Variants in RNF17 observed in about 807,000 individuals in gnomAD.
The protein encoded by RNF17 is ring finger protein 17.
RNF17 carries 31 observed loss-of-function variants against 200.5 expected under a neutral mutation model. The observed-to-expected ratio is 0.15, with a 90% CI of 0.12 to 0.21. RNF17 has a LOEUF of 0.21. RNF17 is among the 10% of genes least tolerant of loss of function. The pLI is 1.00. For missense variants in RNF17, 1,628 were observed against 1,905.1 expected, an observed-to-expected ratio of 0.85 and a Z score of 2.71; for synonymous variants, 606 against 637.8, an observed-to-expected ratio of 0.95 and a Z score of 0.75.
intron 21 of RNF17, 43 bp from the exon 22 acceptor site, chr13:24,844,918 G>A (rs750759265): frequency 1.6e-5 from 25 of 1,554,918 alleles, no homozygotes; most frequent in South Asian, 3.4e-5. Context: ...AAAATATTTC[G>A]AAATGTTGTT....
chr13:24,880,034 G>A (rs1413595839), downstream of RNF17: 1 of 152,100 alleles, frequency 6.6e-6, no homozygotes, highest in Non-Finnish European at 1.5e-5. Flanking sequence ...AGTACAAAAA[G>A]GCTTCTCCCA....
chr13:24,840,559 C>CTG (rs1890513978), intron 18 of RNF17, among the ~76,000 whole-genome samples: 1 of 151,872 alleles, frequency 6.6e-6, no homozygotes, highest in Admixed American at 6.6e-5. Flanking sequence ...GAATGATGGA[C>CTG]TACTACACAG....
chr13:24,879,359 C>T, intron 35 of RNF17, 64 bp downstream of exon 35: 1 of 1,058,726 alleles, frequency 9.4e-7, no homozygotes, highest in East Asian at 2.5e-5. Context: ...CTAGATTGAT[C>T]AGAAAAGCAC....
At chr13:24,850,175 G>A (rs1891714936) in intron 22 of RNF17, among the ~76,000 whole-genome samples, 166 bp from the exon 23 acceptor site, 1 of 151,876 alleles carries the variant, frequency 6.6e-6, no homozygotes, top group African/African-American at 2.4e-5. Flanking sequence ...GGAAAATGAG[G>A]GAAAAAATTG....
chr13:24,762,040 G>A (rs1878787589), upstream of RNF17, among the ~76,000 whole-genome samples: 1 of 152,222 alleles, frequency 6.6e-6, no homozygotes, highest in Non-Finnish European at 1.5e-5. Context: ...AAGGTTTAAA[G>A]GAGAAAGTGC....
intron 11 of RNF17, 143 bp from the exon 12 acceptor site, chr13:24,799,249 TTTC>T: frequency 1.6e-6 from 1 of 630,262 alleles, no homozygotes; most frequent in South Asian, 2.1e-5. Flanking sequence ...GTATTATATC[TTTC>T]TTATAGCACT....
intron 28 of RNF17, among the ~76,000 whole-genome samples, chr13:24,863,107 A>G (rs1893260881): frequency 6.6e-6 from 1 of 152,214 alleles, no homozygotes; most frequent in African/African-American, 2.4e-5. Flanking sequence ...AGTTTCCAAG[A>G]TGGTGCTGAA....
At chr13:24,837,187 C>T (rs1047181483) in intron 18 of RNF17, among the ~76,000 whole-genome samples, 1 of 152,104 alleles carries the variant, frequency 6.6e-6, no homozygotes, top group African/African-American at 2.4e-5. Context: ...CAGTCTTAAA[C>T]ATATGTGCAC....
At chr13:24,841,966 CAAA>C (rs148630636) in intron 18 of RNF17, 72 bp from the exon 19 acceptor site, 1 of 1,094,060 alleles carries the variant, frequency 9.1e-7, no homozygotes, top group Non-Finnish European at 1.3e-6. Flanking sequence ...ACTCTGTCTC[CAAA>C]AAAAAAAATT....
intron 16 of RNF17, among the ~76,000 whole-genome samples, chr13:24,827,256 C>T (rs9511465): frequency 0.23 from 35,005 of 151,782 alleles, 4,507 homozygotes; most frequent in Non-Finnish European, 0.29. Context: ...TAGTTTGATA[C>T]TGTTTAAAAT....
At chr13:24,827,734 A>T (rs1392332681) in intron 16 of RNF17, among the ~76,000 whole-genome samples, 3 of 144,456 alleles carry the variant, frequency 2.1e-5, no homozygotes, top group Admixed American at 1.4e-4. Flanking sequence ...AAAAAAAACA[A>T]TAGAAATTTA....
chr13:24,748,177 T>C, the RNF17 span, among the ~76,000 whole-genome samples: 6 of 152,254 alleles, frequency 3.9e-5, no homozygotes, highest in African/African-American at 1.4e-4. Flanking sequence ...CCTTGAATTA[T>C]TCACCCCTAA....
chr13:24,885,641 G>A, the RNF17 span: 1 of 1,613,022 alleles, frequency 6.2e-7, no homozygotes, highest in Non-Finnish European at 8.5e-7. Context: ...TCACGAGGAG[G>A]TGCAGACTTG....
intron 15 of RNF17, among the ~76,000 whole-genome samples, chr13:24,817,648 G>C (rs976696097): frequency 6.6e-6 from 1 of 151,892 alleles, no homozygotes; most frequent in Admixed American, 6.6e-5. Flanking sequence ...GAACCCAGGA[G>C]GCAGAAGTTG....
chr13:24,829,680 C>A (rs970111659), intron 16 of RNF17, among the ~76,000 whole-genome samples: 1 of 152,184 alleles, frequency 6.6e-6, no homozygotes, highest in Non-Finnish European at 1.5e-5. Flanking sequence ...ATTGAAATGA[C>A]AGATACTGTA....
At chr13:24,808,076 G>C (rs1305311576) in intron 15 of RNF17, among the ~76,000 whole-genome samples, 2 of 150,836 alleles carry the variant, frequency 1.3e-5, no homozygotes, top group Non-Finnish European at 3.0e-5. Flanking sequence ...AAGTCAGGTA[G>C]TGTGATGCCT....
chr13:24,752,496 C>A, the RNF17 span, among the ~76,000 whole-genome samples: 175 of 152,354 alleles, frequency 1.1e-3, no homozygotes, highest in African/African-American at 4.0e-3. Context: ...TCCCACACTG[C>A]GTGACCTCAG....
chr13:24,859,679 G>C (rs1379291866), intron 26 of RNF17, among the ~76,000 whole-genome samples: 1 of 151,928 alleles, frequency 6.6e-6, no homozygotes, highest in Non-Finnish European at 1.5e-5. Flanking sequence ...GAATGAAATT[G>C]ATGAAGTACT....
rs1891352018 is a variant in RNF17, at chr13:24,847,226, C to A, written c.3101+2147C>A. Among the ~76,000 whole-genome samples the A allele has an allele frequency of 2.6e-5, 4 of 152,048 alleles. No individual in the cohort carries two copies. In the South Asian group the frequency reaches 6.2e-4, roughly 24 times the overall value. On this transcript the variant is annotated intron_variant, in intron 22 of 35. Coordinates refer to ENST00000255324, the MANE Select transcript of RNF17 (RefSeq NM_031277.3). ...ACCGACATGGAACTATTATTATCTT[C>A]ATATTACAATTGAAGAAACTTCATG...
Sources: gnomAD v4.1 joint callset for allele counts (sites outside exome capture counted in the v4.1 genomes callset) on GRCh38, gnomAD v4.1.1 for gene constraint, MANE v1.5 for transcripts, NCBI Gene and HGNC (gene_info 2026-07-23, HGNC 2026-07-21) for gene names.